Variants in GALNT18 observed in about 807,000 individuals in gnomAD.
The protein encoded by GALNT18 is GalNAc-transferase 18.
GALNT18 carries 44 observed loss-of-function variants against 69.5 expected under a neutral mutation model. That is an observed-to-expected ratio of 0.63 (90% CI 0.50 to 0.81). GALNT18 has a LOEUF of 0.81. Ranked by LOEUF, GALNT18 falls within the 40% of genes least tolerant of loss-of-function variation. GALNT18 has a pLI of 0.00. For synonymous variants in GALNT18, 364 were observed against 318.2 expected, an observed-to-expected ratio of 1.14 and a Z score of -1.53; for missense variants, 715 against 810.0, an observed-to-expected ratio of 0.88 and a Z score of 1.42.
intron 9 of GALNT18, among the ~76,000 whole-genome samples, chr11:11,299,682 G>C (rs183499966): frequency 1.3e-5 from 2 of 152,258 alleles, no homozygotes; most frequent in African/African-American, 2.4e-5. Context: ...GTATTCTATG[G>C]TATATATACC....
intron 1 of GALNT18, among the ~76,000 whole-genome samples, chr11:11,467,962 G>T (rs1158786867): frequency 2.6e-5 from 4 of 152,178 alleles, no homozygotes; most frequent in African/African-American, 7.2e-5. Context: ...TTCTAGGGAA[G>T]AAGGTCTGGG....
In GALNT18 at chr11:11,469,483, G is replaced by T. The variant is rs76980825; in HGVS notation, c.236-20547C>A. ...AACAGAAGCCCCTGTCCTCTAGAGA[G>T]CAATCCCTGGTCCCCTGACCCCTAA... On this transcript the variant is annotated intron_variant, in intron 1 of 10. Coordinates refer to ENST00000227756, the MANE Select transcript of GALNT18 (RefSeq NM_198516.3). The surrounding 1 kb of genome is among the most constrained non-coding windows in gnomAD (Gnocchi z 4.2). Among the ~76,000 whole-genome samples the T allele has an allele frequency of 0.051, 7,828 of 152,266 alleles. 258 individuals carry two copies. The highest frequency in any genetic ancestry group is 0.15 in the South Asian group (711 of 4,820).
At chr11:11,297,743 C>A (rs1019786763) in intron 9 of GALNT18, among the ~76,000 whole-genome samples, 1 of 152,140 alleles carries the variant, frequency 6.6e-6, no homozygotes, top group Admixed American at 6.5e-5. Context: ...GTCTTACAAA[C>A]CCCCGGGGCA....
In GALNT18 at chr11:11,461,300, C is replaced by T. The variant is rs1006330776; in HGVS notation, c.236-12364G>A. On this transcript the variant is annotated intron_variant, in intron 1 of 10. Coordinates refer to ENST00000227756, the MANE Select transcript of GALNT18 (RefSeq NM_198516.3). The surrounding 1 kb of genome is among the most constrained non-coding windows in gnomAD (Gnocchi z 4.1). ...TAGGAGCAGCAGGGCTCAGCATGTG[C>T]ACACACACTCACAGAAGTGGAAATA... Among the ~76,000 whole-genome samples the T allele has an allele frequency of 6.6e-6, 1 of 152,114 alleles. No homozygotes were observed. Among genetic ancestry groups the T allele is most frequent in the Non-Finnish European group, 1.5e-5 (1 of 68,022 alleles).
At chr11:11,609,932 C>T (rs1859854223) in intron 1 of GALNT18, among the ~76,000 whole-genome samples, 2 of 152,116 alleles carry the variant, frequency 1.3e-5, no homozygotes, top group Non-Finnish European at 2.9e-5. Context: ...TAGAGGACCC[C>T]CAAAATAAAG....
At chr11:11,443,546 G>A (rs1855578467) in intron 2 of GALNT18, among the ~76,000 whole-genome samples, 1 of 152,004 alleles carries the variant, frequency 6.6e-6, no homozygotes. Context: ...GAGAAAGAGG[G>A]TGGACACCGA....
chr11:11,521,756 G>A (rs560985632), intron 1 of GALNT18, among the ~76,000 whole-genome samples: 1 of 152,248 alleles, frequency 6.6e-6, no homozygotes, highest in East Asian at 1.9e-4. Flanking sequence ...AGGGAACGGA[G>A]GTGACTCAGG....
intron 1 of GALNT18, among the ~76,000 whole-genome samples, chr11:11,464,367 C>A (rs771371261): frequency 1.1e-4 from 16 of 152,210 alleles, no homozygotes; most frequent in Non-Finnish European, 1.5e-4. Context: ...GGCCCTGCAG[C>A]CCTGAAGTTC....
chr11:11,339,957 A>G lies in GALNT18; in HGVS notation c.1278+862T>C, dbSNP rs529015543. On this transcript the variant is annotated intron_variant, in intron 7 of 10. Coordinates refer to ENST00000227756, the MANE Select transcript of GALNT18 (RefSeq NM_198516.3). The surrounding 1 kb of genome is among the most constrained non-coding windows in gnomAD (Gnocchi z 5.2). ...TAGAAGCTTCCTAAAGGACTCCAAA[A>G]GGGATTGCCATGGCCTTGGGAGGAA... Among the ~76,000 whole-genome samples the G allele has an allele frequency of 1.3e-5, 2 of 152,336 alleles. No individual in the cohort carries two copies. The highest frequency in any genetic ancestry group is 3.9e-4 in the East Asian group (2 of 5,174).
intron 1 of GALNT18, among the ~76,000 whole-genome samples, chr11:11,556,059 G>A (rs1468728582): frequency 6.6e-6 from 1 of 152,188 alleles, no homozygotes; most frequent in Non-Finnish European, 1.5e-5. Flanking sequence ...GGAACTGGTG[G>A]GACCTTGTAT....
chr11:11,293,237 C>A (rs1849335918), intron 9 of GALNT18, 44 bp from the exon 10 acceptor site: 1 of 1,305,378 alleles, frequency 7.7e-7, no homozygotes, highest in Non-Finnish European at 9.8e-7. Context: ...ATGCCAATGG[C>A]CACGGAGACA....
chr11:11,278,807 A>C (rs888402172), intron 10 of GALNT18, among the ~76,000 whole-genome samples: 1 of 152,198 alleles, frequency 6.6e-6, no homozygotes, highest in African/African-American at 2.4e-5. Flanking sequence ...GGTAACTATA[A>C]TTAATAATAA....
chr11:11,588,009 C>T (rs1859266559), intron 1 of GALNT18, among the ~76,000 whole-genome samples: 1 of 152,096 alleles, frequency 6.6e-6, no homozygotes, highest in East Asian at 1.9e-4. Flanking sequence ...AGTCCTTCTG[C>T]TTGAGGCTCC....
rs1248320240 is a variant in GALNT18, at chr11:11,465,448, G to A, written c.236-16512C>T. Reference sequence around the variant, plus strand: ...GCTGCTCCTCCAGGCTGCACGGACGGTGTCACGCTGCCCTCTGATCCTGGG... The same window carrying A: ...GCTGCTCCTCCAGGCTGCACGGACGATGTCACGCTGCCCTCTGATCCTGGG... On this transcript the variant is annotated intron_variant, in intron 1 of 10. Coordinates refer to ENST00000227756, the MANE Select transcript of GALNT18 (RefSeq NM_198516.3). The surrounding 1 kb of genome is among the most constrained non-coding windows in gnomAD (Gnocchi z 5.7). 1.3e-5 allele frequency among the ~76,000 whole-genome samples: 2 copies of A among 152,118 alleles called. No homozygotes were observed. The highest frequency in any genetic ancestry group is 2.9e-5 in the Non-Finnish European group (2 of 68,012).
rs1023952940 is a variant in GALNT18 at position 11,620,682 on chromosome 11, A to G, written c.235+677T>C. 6.6e-6 allele frequency among the ~76,000 whole-genome samples: 1 copy of G among 152,072 alleles called. No homozygotes were observed. Among genetic ancestry groups the G allele is most frequent in the African/African-American group, 2.4e-5 (1 of 41,418 alleles). ...CACAGTGGACAGAGACTCCAGCGCTACTTCCCGGCGTTGACACCTGCTCCT... is the reference window on the plus strand; with the variant it reads ...CACAGTGGACAGAGACTCCAGCGCTGCTTCCCGGCGTTGACACCTGCTCCT... On this transcript the variant is annotated intron_variant, in intron 1 of 10. Transcript: ENST00000227756. This position sits in a 1 kb window ranked among gnomAD's most constrained non-coding sequence, Gnocchi z 6.9.
intron 6 of GALNT18, among the ~76,000 whole-genome samples, chr11:11,360,446 G>A (rs1024534709): frequency 2.0e-5 from 3 of 152,184 alleles, no homozygotes; most frequent in Admixed American, 6.5e-5. Flanking sequence ...TTGAGTAAAT[G>A]TCACTAAGCC....
intron 10 of GALNT18, among the ~76,000 whole-genome samples, chr11:11,280,173 G>A (rs1849040758): frequency 1.3e-5 from 2 of 152,174 alleles, no homozygotes; most frequent in South Asian, 4.1e-4. Context: ...GTGATTCAGT[G>A]TACTCAACAG....
intron 2 of GALNT18, among the ~76,000 whole-genome samples, chr11:11,445,295 A>G (rs10831612): frequency 0.97 from 147,962 of 152,284 alleles, 72,042 homozygotes; most frequent in East Asian, 1. Context: ...CTGTAAGATG[A>G]AGGCTAATCA....
At chr11:11,362,952 G>A (rs551473229) in intron 6 of GALNT18, among the ~76,000 whole-genome samples, 110 of 152,214 alleles carry the variant, frequency 7.2e-4, no homozygotes, top group African/African-American at 2.2e-3. Flanking sequence ...AAATGTTTAC[G>A]CATTTGAGTA....
Sources: gnomAD v4.1 joint callset for allele counts (sites outside exome capture counted in the v4.1 genomes callset) on GRCh38, gnomAD v4.1.1 for gene constraint, Gnocchi (gnomAD v3.1) non-coding constraint, MANE v1.5 for transcripts, NCBI Gene and HGNC (gene_info 2026-07-23, HGNC 2026-07-21) for gene names.